SNX29: variants seen among roughly 807,000 people sequenced by gnomAD.
The protein encoded by SNX29 is sorting nexin-29.
A neutral mutation model predicts 102.1 loss-of-function variants in SNX29; 78 were observed. That is an observed-to-expected ratio of 0.76 (90% CI 0.64 to 0.92). The LOEUF (loss-of-function observed/expected upper bound fraction) is 0.92. Among genes scored for constraint, SNX29 ranks in the 40% least tolerant of loss-of-function variants. SNX29 has a pLI of 0.00. For missense variants in SNX29, 1,280 were observed against 1,061.7 expected (o/e 1.21, Z -2.86); for synonymous variants, 580 against 414.5 (o/e 1.40, Z -4.85).
chr16:12,321,045 A>T (rs1180727591), intron 15 of SNX29, among the ~76,000 whole-genome samples: 2 of 152,056 alleles, frequency 1.3e-5, no homozygotes, highest in Non-Finnish European at 2.9e-5. Context: ...CACCCTCCTC[A>T]TCTAGCCTCC....
chr16:12,416,952 A>G (rs895083023), intron 18 of SNX29, among the ~76,000 whole-genome samples: 5 of 152,240 alleles, frequency 3.3e-5, no homozygotes, highest in African/African-American at 4.8e-5. Flanking sequence ...ATAACTGTGT[A>G]TAATTATTAT....
chr16:12,537,466 C>A (rs1027170402), intron 20 of SNX29, among the ~76,000 whole-genome samples: 1 of 149,576 alleles, frequency 6.7e-6, no homozygotes, highest in African/African-American at 2.4e-5. Context: ...GCCTCAGCAT[C>A]CTCATCTATA....
At chr16:12,242,072 G>C (rs1476862269) in intron 14 of SNX29, among the ~76,000 whole-genome samples, 2 of 152,132 alleles carry the variant, frequency 1.3e-5, no homozygotes, top group Non-Finnish European at 2.9e-5. Flanking sequence ...TTGGAGTCAG[G>C]CCTGGGGTAA....
At chr16:12,159,925 C>T (rs968557440) in intron 13 of SNX29, among the ~76,000 whole-genome samples, 1 of 152,226 alleles carries the variant, frequency 6.6e-6, no homozygotes, top group Non-Finnish European at 1.5e-5. Flanking sequence ...GAATCCAGTG[C>T]ATCTAGGCAG....
intron 13 of SNX29, among the ~76,000 whole-genome samples, chr16:12,144,784 C>G (rs558665302): frequency 7.9e-5 from 12 of 152,210 alleles, no homozygotes; most frequent in African/African-American, 2.9e-4. Context: ...TGCAATGGCG[C>G]GATCTCTGCT....
At chr16:12,211,996 G>A (rs12921802) in intron 14 of SNX29, among the ~76,000 whole-genome samples, 2 of 152,120 alleles carry the variant, frequency 1.3e-5, no homozygotes, top group Middle Eastern at 3.2e-3. Flanking sequence ...GTAGAGCCGA[G>A]ATTCCTACCC....
intron 13 of SNX29, among the ~76,000 whole-genome samples, chr16:12,184,498 GC>G (rs1475130726): frequency 6.6e-6 from 1 of 152,188 alleles, no homozygotes; most frequent in Non-Finnish European, 1.5e-5. Flanking sequence ...CCTGCTGGTA[GC>G]CTTATTTCCA....
chr16:12,259,812 C>T (rs1255219578), intron 14 of SNX29, among the ~76,000 whole-genome samples: 1 of 152,120 alleles, frequency 6.6e-6, no homozygotes, highest in Non-Finnish European at 1.5e-5. Flanking sequence ...CCTCCCAGCC[C>T]TCCCCATGTG....
At chr16:12,490,703 A>C (rs1032902067) in intron 19 of SNX29, among the ~76,000 whole-genome samples, 13 of 152,358 alleles carry the variant, frequency 8.5e-5, no homozygotes, top group African/African-American at 3.1e-4. Flanking sequence ...GATACCAGGC[A>C]CCTGTGTTCC....
At chr16:12,548,732 C>T (rs1193111675) in intron 20 of SNX29, among the ~76,000 whole-genome samples, 2 of 152,126 alleles carry the variant, frequency 1.3e-5, no homozygotes, top group African/African-American at 4.8e-5. Flanking sequence ...ACATCCAGGG[C>T]TCCAAGGTGT....
chr16:12,446,765 G>C (rs542113436), intron 18 of SNX29, among the ~76,000 whole-genome samples: 1 of 152,184 alleles, frequency 6.6e-6, no homozygotes, highest in Non-Finnish European at 1.5e-5. Context: ...ATCGGCTCCA[G>C]TATGTACTAA....
At chr16:12,309,103 G>A (rs1008610236) in intron 15 of SNX29, among the ~76,000 whole-genome samples, 4 of 152,172 alleles carry the variant, frequency 2.6e-5, no homozygotes, top group Admixed American at 1.3e-4. Flanking sequence ...AGTGTGTTTC[G>A]GAGTTATTTG....
At chr16:12,268,304 T>G (rs543654069) in intron 14 of SNX29, among the ~76,000 whole-genome samples, 1 of 152,318 alleles carries the variant, frequency 6.6e-6, no homozygotes, top group South Asian at 2.1e-4. Context: ...CTCTAGTGCC[T>G]GGTACCTGGC....
intron 17 of SNX29, among the ~76,000 whole-genome samples, chr16:12,401,180 G>C (rs574191541): frequency 6.6e-6 from 1 of 152,110 alleles, no homozygotes; most frequent in East Asian, 1.9e-4. Flanking sequence ...AGATCAGTAA[G>C]GGGTTAGAAG....
chr16:12,555,821 C>T (rs867671697), intron 20 of SNX29, among the ~76,000 whole-genome samples: 6 of 152,218 alleles, frequency 3.9e-5, no homozygotes, highest in Admixed American at 6.5e-5. Flanking sequence ...AAGAAAGGTG[C>T]TCCAGCTGAC....
At chr16:12,182,216 G>T (rs2076402581) in intron 13 of SNX29, among the ~76,000 whole-genome samples, 2 of 148,638 alleles carry the variant, frequency 1.3e-5, no homozygotes, top group African/African-American at 2.5e-5. Context: ...TTTTTAATGG[G>T]GATTTTGAGA....
At chr16:12,420,188 CAT>C (rs1188788164) in intron 18 of SNX29, among the ~76,000 whole-genome samples, 9 of 152,248 alleles carry the variant, frequency 5.9e-5, no homozygotes, top group African/African-American at 1.9e-4. Context: ...AGCATTGACA[CAT>C]GTCACCTGGG....
intron 20 of SNX29, 140 bp downstream of exon 20, chr16:12,524,981 C>T (rs557923169): frequency 1.6e-6 from 2 of 1,253,310 alleles, no homozygotes; most frequent in South Asian, 3.0e-5. Context: ...GGGGCTGTTC[C>T]AGGTGCCAAA....
intron 16 of SNX29, among the ~76,000 whole-genome samples, chr16:12,384,358 T>G (rs930866165): frequency 6.6e-6 from 1 of 152,242 alleles, no homozygotes. Context: ...GGCTTCCCTT[T>G]TCTCCATATC....
Sources: allele counts gnomAD v4.1 joint callset (sites outside exome capture counted in the v4.1 genomes callset), GRCh38; gene constraint gnomAD v4.1.1; transcripts MANE v1.5; gene names NCBI Gene and HGNC (gene_info 2026-07-23, HGNC 2026-07-21).